Variants in TAF4 observed in about 807,000 individuals in gnomAD.
The protein encoded by TAF4 is transcription initiation factor TFIID subunit 4.
A neutral mutation model predicts 90.3 loss-of-function variants in TAF4; 9 were observed. The observed-to-expected ratio is 0.10, with a 90% confidence interval of 0.06 to 0.17. The LOEUF is 0.17. Among genes scored for constraint, TAF4 ranks in the 10% least tolerant of loss-of-function variants. TAF4 has a pLI of 1.00. For missense variants in TAF4, 1,351 were observed against 1,370.7 expected, an observed-to-expected ratio of 0.99 and a Z score of 0.23; for synonymous variants, 818 against 638.9, an observed-to-expected ratio of 1.28 and a Z score of -4.23.
intron 1 of TAF4, among the ~76,000 whole-genome samples, chr20:62,056,847 CTAAT>C (rs2056067356): frequency 6.6e-6 from 1 of 152,094 alleles, no homozygotes; most frequent in Non-Finnish European, 1.5e-5. Context: ...GTTGAAGTAA[CTAAT>C]AATTTTTTAC....
intron 1 of TAF4, among the ~76,000 whole-genome samples, chr20:62,053,457 C>T (rs1190576067): frequency 6.6e-6 from 1 of 152,220 alleles, no homozygotes; most frequent in Non-Finnish European, 1.5e-5. Flanking sequence ...CAGGGAAACA[C>T]TGGGGCACCC....
chr20:61,979,970 A>C (rs1411130578), intron 14 of TAF4, among the ~76,000 whole-genome samples: 1 of 152,240 alleles, frequency 6.6e-6, no homozygotes, highest in African/African-American at 2.4e-5. Context: ...AAGGGCCGGC[A>C]CCAACATGGA....
intron 2 of TAF4, among the ~76,000 whole-genome samples, chr20:62,014,276 T>C (rs1189724993): frequency 6.6e-6 from 1 of 152,048 alleles, no homozygotes; most frequent in Non-Finnish European, 1.5e-5. Context: ...AACCCTGGAC[T>C]GCTCACTTTG....
At chr20:62,048,017 C>T (rs545953296) in intron 1 of TAF4, among the ~76,000 whole-genome samples, 1 of 152,296 alleles carries the variant, frequency 6.6e-6, no homozygotes, top group African/African-American at 2.4e-5. Flanking sequence ...CACTGGACCA[C>T]CCCCTCATCA....
At chr20:62,038,179 C>T (rs567509373) in intron 1 of TAF4, among the ~76,000 whole-genome samples, 1 of 152,282 alleles carries the variant, frequency 6.6e-6, no homozygotes, top group East Asian at 1.9e-4. Flanking sequence ...AGGAGCCCAC[C>T]ACTACGCCCG....
intron 1 of TAF4, among the ~76,000 whole-genome samples, chr20:62,031,756 A>T (rs1330604746): frequency 6.6e-6 from 1 of 152,136 alleles, no homozygotes; most frequent in Non-Finnish European, 1.5e-5. Context: ...ACATGTGTCA[A>T]CAAATAAAAT....
At chr20:61,985,952 T>G (rs2055588053) in intron 14 of TAF4, among the ~76,000 whole-genome samples, 2 of 150,112 alleles carry the variant, frequency 1.3e-5, no homozygotes, top group African/African-American at 4.9e-5. Flanking sequence ...GGAACCACCA[T>G]CCCCGACCAA....
chr20:62,010,337 G>A lies in TAF4; in HGVS notation c.1642-172C>T, dbSNP rs568974705. The stretch of plus-strand genomic sequence containing the variant: ...CCCGCTGGACACGGGAGTGCTGCTG[G>A]GAGGCCTGCCCTGTGCCCTGACGAT... On this transcript the variant is annotated intron_variant, in intron 3 of 14. Transcript: ENST00000252996. This position sits in a 1 kb window ranked among gnomAD's most constrained non-coding sequence, Gnocchi z 4.5. Among the ~76,000 whole-genome samples the A allele has an allele frequency of 9.9e-5, 15 of 152,282 alleles. No individual in the cohort carries two copies. The highest frequency in any genetic ancestry group is 3.4e-4 in the African/African-American group (14 of 41,560).
intron 12 of TAF4, among the ~76,000 whole-genome samples, 197 bp downstream of exon 12, chr20:61,998,786 G>A (rs567723059): frequency 3.3e-5 from 5 of 152,312 alleles, no homozygotes; most frequent in South Asian, 2.1e-4. Flanking sequence ...AAGAAGCCCC[G>A]CTTTTCAAGC....
intron 1 of TAF4, among the ~76,000 whole-genome samples, chr20:62,030,070 C>A (rs1332385490): frequency 6.6e-6 from 1 of 152,196 alleles, no homozygotes; most frequent in Non-Finnish European, 1.5e-5. Context: ...ACGCACAATG[C>A]CAGCGCTGCG....
chr20:62,007,684 C>T, intron 5 of TAF4, 48 bp from the exon 6 acceptor site: 3 of 1,529,210 alleles, frequency 2.0e-6, no homozygotes, highest in Non-Finnish European at 1.8e-6. Flanking sequence ...AGATTCCACA[C>T]ACACTTCTGA....
rs1165286703 is a variant in TAF4 at position 62,060,256 on chromosome 20, T to C, written c.1360+4195A>G. Among the ~76,000 whole-genome samples the C allele has an allele frequency of 2.0e-5, 3 of 152,180 alleles. No individual in the cohort carries two copies. The East Asian group carries it at 5.8e-4, about 29-fold the overall frequency. ...TGCCACAGAAGCAAGCGGGACACCCTCTCCTACAAAGCTTCTCACAGGCCC... is the reference window on the plus strand; with the variant it reads ...TGCCACAGAAGCAAGCGGGACACCCCCTCCTACAAAGCTTCTCACAGGCCC... On this transcript the variant is annotated intron_variant, in intron 1 of 14. Transcript: ENST00000252996.
chr20:62,008,383 C>T (rs1255124017), intron 5 of TAF4, among the ~76,000 whole-genome samples: 1 of 152,212 alleles, frequency 6.6e-6, no homozygotes, highest in Non-Finnish European at 1.5e-5. Context: ...AGCCACGAGA[C>T]AGCCATGAGG....
intron 5 of TAF4, among the ~76,000 whole-genome samples, chr20:62,008,446 G>C (rs977658213): frequency 1.3e-5 from 2 of 151,700 alleles, no homozygotes; most frequent in Non-Finnish European, 2.9e-5. Context: ...TCTGGAGCTT[G>C]GGACTGTGGG....
chr20:62,024,997 C>T (rs181064549), intron 1 of TAF4, among the ~76,000 whole-genome samples: 8 of 152,268 alleles, frequency 5.3e-5, no homozygotes, highest in Admixed American at 4.6e-4. Context: ...ATCCTTAAAG[C>T]GACACCACTA....
In TAF4 at chr20:62,006,940, T is replaced by C. The variant is rs1407673893; in HGVS notation, c.1975-182A>G. 2.7e-6 allele frequency: 2 copies of C among 739,838 alleles called. No individual in the cohort carries two copies. Among genetic ancestry groups the C allele is most frequent in the South Asian group, 1.2e-4 (2 of 16,872 alleles). 45.8% of individuals were successfully genotyped at this position (739,838 alleles called of 1,614,324 possible). On this transcript the variant is annotated intron_variant, in intron 6 of 14. Coordinates refer to ENST00000252996, the MANE Select transcript of TAF4 (RefSeq NM_003185.4). The surrounding 1 kb of genome is among the most constrained non-coding windows in gnomAD (Gnocchi z 7.0). The stretch of plus-strand genomic sequence containing the variant: ...GACCCCATCCTGCCCTCCCACTAAG[T>C]GGGATTATTCCTGATAGCAAATGTC...
In TAF4 at chr20:61,975,816, G is replaced by GT. The variant is rs1468621129; in HGVS notation, c.*351dup. ...GACATACACCTACATAGTAAGTTAG[G>GT]TAGAACTAAACCAAAATGCACAAAT... On this transcript the variant is annotated 3_prime_UTR_variant, in exon 15 of 15. Coordinates refer to ENST00000252996, the MANE Select transcript of TAF4 (RefSeq NM_003185.4). 165 of 259,516 alleles carry GT rather than the reference G, an allele frequency of 6.4e-4. 1 individual carries two copies. Among genetic ancestry groups the GT allele is most frequent in the African/African-American group, 3.5e-3 (161 of 45,974 alleles). The allele number at this position is 259,516 out of a possible 1,614,324, so 16.1% of individuals were successfully genotyped here.
At chr20:62,037,502 T>C (rs1268435747) in intron 1 of TAF4, 1 of 152,504 alleles carries the variant, frequency 6.6e-6, no homozygotes, top group African/African-American at 2.4e-5. Context: ...CTTCCTCACC[T>C]GGCTTGGGAA....
chr20:62,014,725 C>G lies in TAF4; in HGVS notation c.1361-18G>C. The G allele has an allele frequency of 6.2e-7, 1 of 1,611,444 alleles. No homozygotes were observed. On this transcript the variant is annotated intron_variant, in intron 1 of 14. Transcript: ENST00000252996. ...GACCATTCCTGCAGACAAAGGAGAC[C>G]TGGCGTCAGGAACGCAACCACCCCA...
Sources: allele counts gnomAD v4.1 joint callset (sites outside exome capture counted in the v4.1 genomes callset), GRCh38; gene constraint gnomAD v4.1.1; non-coding constraint Gnocchi (gnomAD v3.1); transcripts MANE v1.5; gene names NCBI Gene and HGNC (gene_info 2026-07-23, HGNC 2026-07-21).